The following JADE2 variants were observed in gnomAD, a reference collection of about 807,000 sequenced individuals.
The protein encoded by JADE2 is jade family PHD finger 2.
In JADE2, 13 loss-of-function variants were observed where a neutral mutation model predicts 85.7. The ratio of observed to expected loss-of-function variants is 0.15; its 90% confidence interval spans 0.10 to 0.24. JADE2 has a LOEUF of 0.24. Among genes scored for constraint, JADE2 ranks in the 10% least tolerant of loss-of-function variants. The pLI is 1.00. For synonymous variants in JADE2, 440 were observed against 456.1 expected (o/e 0.96, Z 0.45); for missense variants, 846 against 1,115.9 (o/e 0.76, Z 3.45).
intron 3 of JADE2, among the ~76,000 whole-genome samples, chr5:134,542,840 C>A (rs1762052674): frequency 6.6e-6 from 1 of 152,022 alleles, no homozygotes; most frequent in Non-Finnish European, 1.5e-5. Flanking sequence ...TGAAGAGATT[C>A]TCTTGCCTCA....
chr5:134,574,005 CAG>C (rs1468842804), intron 10 of JADE2: 5 of 592,618 alleles, frequency 8.4e-6, no homozygotes, highest in South Asian at 5.2e-5. Context: ...GGCCTGCCCT[CAG>C]GGAGCTTTCT....
At chr5:134,554,734 G>A (rs909368397) in intron 4 of JADE2, among the ~76,000 whole-genome samples, 7 of 152,040 alleles carry the variant, frequency 4.6e-5, no homozygotes, top group Non-Finnish European at 8.8e-5. Flanking sequence ...ACATCTCCAC[G>A]CCTCTTCTGT....
intron 3 of JADE2, among the ~76,000 whole-genome samples, chr5:134,539,265 G>T (rs536841859): frequency 1.3e-5 from 2 of 151,984 alleles, no homozygotes; most frequent in Non-Finnish European, 2.9e-5. Flanking sequence ...GGGTTTCACC[G>T]TGTTAGCCAG....
At chr5:134,536,952 A>G (rs1275043515) in intron 2 of JADE2, among the ~76,000 whole-genome samples, 1 of 152,178 alleles carries the variant, frequency 6.6e-6, no homozygotes, top group African/African-American at 2.4e-5. Context: ...TCTCAGCCCC[A>G]TCCCTACCTC....
intron 1 of JADE2, among the ~76,000 whole-genome samples, chr5:134,531,114 C>A (rs950296713): frequency 6.6e-6 from 1 of 152,220 alleles, no homozygotes; most frequent in African/African-American, 2.4e-5. Context: ...TGACATGGGC[C>A]ACACTGAAGC....
At chr5:134,543,223 CAG>C (rs1446538076) in intron 3 of JADE2, among the ~76,000 whole-genome samples, 2 of 151,676 alleles carry the variant, frequency 1.3e-5, no homozygotes, top group African/African-American at 2.4e-5. Flanking sequence ...TTAGTAGAGA[CAG>C]GGTTTCACCA....
At position 134,562,376 on chromosome 5, in the gene JADE2, G is replaced by A; in HGVS notation, c.852+9G>A. ...CCCTATGGATTCCTGAGGTGGGTGA[G>A]CGTGGAGGTGAGGCAGCCCAAGGAA... is the stretch of plus-strand genomic sequence containing the variant. On this transcript the variant is annotated intron_variant, in intron 7 of 11. Coordinates refer to ENST00000681547, the MANE Select transcript of JADE2 (RefSeq NM_001388185.1). This position sits in a 1 kb window ranked among gnomAD's most constrained non-coding sequence, Gnocchi z 4.6. 1 of 1,603,740 alleles carries A rather than the reference G, an allele frequency of 6.2e-7. No homozygotes were observed. Among genetic ancestry groups the A allele is most frequent in the African/African-American group, 1.3e-5 (1 of 74,886 alleles).
rs1763230764 is a variant in JADE2, at chr5:134,560,001, A to G, written c.472+11A>G. 1 of 1,613,618 alleles carries G rather than the reference A, an allele frequency of 6.2e-7. No homozygotes were observed. The highest frequency in any genetic ancestry group is 1.3e-5 in the African/African-American group (1 of 74,972). On this transcript the variant is annotated intron_variant, in intron 5 of 11. Coordinates refer to ENST00000681547, the MANE Select transcript of JADE2 (RefSeq NM_001388185.1). Reference sequence around the variant, plus strand: ...AGCTTAAGGAGATGGGTAGGTGACCACTGCATTAAGAATGGGATCACGGCT... The same window carrying G: ...AGCTTAAGGAGATGGGTAGGTGACCGCTGCATTAAGAATGGGATCACGGCT...
chr5:134,530,159 C>G (rs767570241), intron 1 of JADE2, among the ~76,000 whole-genome samples: 2 of 151,868 alleles, frequency 1.3e-5, no homozygotes, highest in Non-Finnish European at 2.9e-5. Flanking sequence ...GCTGTGACCC[C>G]GGTTTAAAGC....
intron 4 of JADE2, among the ~76,000 whole-genome samples, chr5:134,553,363 T>TC (rs1412751915): frequency 7.0e-4 from 3 of 4,282 alleles, no homozygotes; most frequent in South Asian, 0.013. Context: ...TATTCTTTTC[T>TC]TTTTTTTTTG....
At chr5:134,573,611 T>G in intron 9 of JADE2, 34 bp from the exon 10 acceptor site, 11 of 1,522,794 alleles carry the variant, frequency 7.2e-6, no homozygotes, top group Non-Finnish European at 1.0e-5. Context: ...TGGTTGCCTG[T>G]GAGTAAGGTG....
In JADE2 at chr5:134,562,404, G is replaced by T. The variant is rs2149979906; in HGVS notation, c.852+37G>T. 3.2e-6 allele frequency: 5 copies of T among 1,576,196 alleles called. No individual in the cohort carries two copies. Among genetic ancestry groups the T allele is most frequent in the East Asian group, 2.3e-5 (1 of 44,376 alleles). On this transcript the variant is annotated intron_variant, in intron 7 of 11. Transcript: ENST00000681547. The surrounding 1 kb of genome is among the most constrained non-coding windows in gnomAD (Gnocchi z 4.6). ...TGGAGGTGAGGCAGCCCAAGGAATAGCCCGTGGGGAAGTGGGTCTGCATGG... is the reference window on the plus strand; with the variant it reads ...TGGAGGTGAGGCAGCCCAAGGAATATCCCGTGGGGAAGTGGGTCTGCATGG...
rs529904652 is a variant in JADE2 at position 134,557,037 on chromosome 5, A to G, written c.312-2793A>G. Among the ~76,000 whole-genome samples, 4 of 111,152 alleles carry G rather than the reference A, an allele frequency of 3.6e-5. No homozygotes were observed. In the East Asian group the frequency reaches 9.7e-4, roughly 27 times the overall value. 72.9% of individuals were successfully genotyped at this position (111,152 alleles called of 152,430 possible). On this transcript the variant is annotated intron_variant, in intron 4 of 11. Transcript: ENST00000681547. ...CACATCACACAGCACATACACACAC[A>G]CCACACACACACCTCACACATCACA...
Position 134,562,105 on chromosome 5 carries a change from A to C in JADE2, c.685-95A>C, listed in dbSNP as rs917933313. The C allele has an allele frequency of 9.0e-6, 11 of 1,228,542 alleles. No individual in the cohort carries two copies. The highest frequency in any genetic ancestry group is 1.4e-5 in the South Asian group (1 of 70,758). The allele number at this position is 1,228,542 out of a possible 1,614,324, so 76.1% of individuals were successfully genotyped here. ...GAGATGGGAGGCTGTGTAGCAGTGT[A>C]GCATGGGGCTGGCACTGGACCAAAT... On this transcript the variant is annotated intron_variant, in intron 6 of 11. Transcript: ENST00000681547. The surrounding 1 kb of genome is among the most constrained non-coding windows in gnomAD (Gnocchi z 4.6).
Position 134,561,875 on chromosome 5 carries a change from A to G in JADE2, c.685-325A>G, listed in dbSNP as rs577338540. ...ACACCCAATTTTGTATTCAACTTAA[A>G]GGGATTCTTGGACTCTCCTTAAGTC... On this transcript the variant is annotated intron_variant, in intron 6 of 11. Transcript: ENST00000681547. Among the ~76,000 whole-genome samples, 7 of 152,236 alleles carry G rather than the reference A, an allele frequency of 4.6e-5. No homozygotes were observed. The East Asian group carries it at 1.2e-3, about 25-fold the overall frequency.
intron 1 of JADE2, among the ~76,000 whole-genome samples, chr5:134,527,446 T>C (rs2149842115): frequency 6.6e-6 from 1 of 152,034 alleles, no homozygotes; most frequent in Middle Eastern, 3.4e-3. Context: ...CACTCTAGCT[T>C]CCAGAGGCCC....
intron 5 of JADE2, among the ~76,000 whole-genome samples, chr5:134,560,277 G>A (rs1279550631): frequency 6.6e-6 from 1 of 152,094 alleles, no homozygotes; most frequent in Admixed American, 6.5e-5. Context: ...TGCAGGGGAG[G>A]CTAGGATGGC....
intron 3 of JADE2, among the ~76,000 whole-genome samples, chr5:134,546,547 C>A (rs1414174054): frequency 1.3e-5 from 2 of 152,132 alleles, no homozygotes; most frequent in Admixed American, 1.3e-4. Context: ...GTGGGTGGAT[C>A]ACTTGAGGTC....
chr5:134,539,717 G>C (rs1243820443), intron 3 of JADE2, among the ~76,000 whole-genome samples: 1 of 152,250 alleles, frequency 6.6e-6, no homozygotes, highest in African/African-American at 2.4e-5. Context: ...CGGGGCCCTC[G>C]TCATGGGTTG....
Sources: gnomAD v4.1 joint callset for allele counts (sites outside exome capture counted in the v4.1 genomes callset) on GRCh38, gnomAD v4.1.1 for gene constraint, Gnocchi (gnomAD v3.1) non-coding constraint, MANE v1.5 for transcripts, NCBI Gene and HGNC (gene_info 2026-07-23, HGNC 2026-07-21) for gene names.